Variants in IRF8 observed in about 807,000 individuals in gnomAD.
The protein encoded by IRF8 is interferon consensus sequence binding protein 1.
A neutral mutation model predicts 48.7 loss-of-function variants in IRF8; 14 were observed. The ratio of observed to expected loss-of-function variants is 0.29; its 90% confidence interval spans 0.19 to 0.45. The LOEUF is 0.45. Among genes scored for constraint, IRF8 ranks in the 20% least tolerant of loss-of-function variants. The pLI is 1.00. For missense variants in IRF8, 493 were observed against 580.7 expected (o/e 0.85, Z 1.55); for synonymous variants, 278 against 227.3 (o/e 1.22, Z -2.01).
At chr16:85,903,243 T>C in intron 2 of IRF8, 54 bp downstream of exon 2, 5 of 1,463,422 alleles carry the variant, frequency 3.4e-6, no homozygotes, top group Non-Finnish European at 4.7e-6. Context: ...CTTTCCCTCA[T>C]GGACTAGTGG....
intron 3 of IRF8, 56 bp downstream of exon 3, chr16:85,909,229 T>C: frequency 6.7e-7 from 1 of 1,486,692 alleles, no homozygotes; most frequent in Non-Finnish European, 9.3e-7. Flanking sequence ...CCTGTAGCCT[T>C]CACCACAGAA....
At chr16:85,904,953 G>T (rs577074521) in intron 2 of IRF8, among the ~76,000 whole-genome samples, 1 of 151,684 alleles carries the variant, frequency 6.6e-6, no homozygotes, top group African/African-American at 2.4e-5. Context: ...GAATTTCTCT[G>T]CCTCGCCACT....
In IRF8 at chr16:85,921,730, G is replaced by T; in HGVS notation, c.*448G>T. Reference sequence around the variant, plus strand: ...AGAGTTATAGATTTATGATTTCATAGGCTTGATTCTATGTGAAATATCTTT... The same window carrying T: ...AGAGTTATAGATTTATGATTTCATATGCTTGATTCTATGTGAAATATCTTT... On this transcript the variant is annotated 3_prime_UTR_variant, in exon 9 of 9. Transcript: ENST00000268638. 4.8e-6 allele frequency: 1 copy of T among 206,314 alleles called. No individual in the cohort carries two copies. The highest frequency in any genetic ancestry group is 9.9e-6 in the Non-Finnish European group (1 of 100,950). 12.8% of individuals were successfully genotyped at this position (206,314 alleles called of 1,614,324 possible).
intron 3 of IRF8, 114 bp downstream of exon 3, chr16:85,909,287 A>G (rs533116079): frequency 1.2e-6 from 1 of 820,752 alleles, no homozygotes; most frequent in Admixed American, 2.0e-5. Flanking sequence ...GTTTCAGTTA[A>G]ACAAAGCAGT....
chr16:85,902,166 C>T (rs1567875079), intron 1 of IRF8, among the ~76,000 whole-genome samples: 1 of 152,072 alleles, frequency 6.6e-6, no homozygotes, highest in Non-Finnish European at 1.5e-5. Flanking sequence ...GTGAACTTTG[C>T]CCTGTTCGGT....
chr16:85,901,244 C>G (rs749850243), intron 1 of IRF8: 1 of 152,162 alleles, frequency 6.6e-6, no homozygotes, highest in East Asian at 1.9e-4. Flanking sequence ...TCTCAACTTA[C>G]AGGTGAGGAA....
intron 7 of IRF8, among the ~76,000 whole-genome samples, chr16:85,919,480 G>A (rs1170076272): frequency 6.6e-6 from 1 of 152,198 alleles, no homozygotes; most frequent in Non-Finnish European, 1.5e-5. Context: ...TGGAAGGGCG[G>A]GTGCAGGGGT....
intron 8 of IRF8, 25 bp from the exon 9 acceptor site, chr16:85,921,081 C>G (rs192907726): frequency 8.1e-5 from 130 of 1,601,286 alleles, no homozygotes; most frequent in Non-Finnish European, 1.1e-4. Flanking sequence ...GCCTCTGCCT[C>G]TGACTTTCTG....
chr16:85,918,325 C>T (rs1356344585), intron 6 of IRF8, 92 bp from the exon 7 acceptor site: 4 of 1,417,286 alleles, frequency 2.8e-6, no homozygotes, highest in African/African-American at 1.4e-5. Context: ...CAAAGAGTTA[C>T]CCGTGTAGGT....
At chr16:85,899,876 A>G (rs923269915) in intron 1 of IRF8, among the ~76,000 whole-genome samples, 2 of 152,356 alleles carry the variant, frequency 1.3e-5, no homozygotes, top group African/African-American at 4.8e-5. Context: ...GACTTTCCTA[A>G]GGTGAGATGT....
At chr16:85,917,916 C>G (rs1380786217) in intron 6 of IRF8, among the ~76,000 whole-genome samples, 2 of 152,204 alleles carry the variant, frequency 1.3e-5, no homozygotes, top group African/African-American at 2.4e-5. Flanking sequence ...ATCTGAAATC[C>G]AGGAAATACC....
chr16:85,903,417 G>GTCGCTTGT, intron 2 of IRF8: 4 of 551,886 alleles, frequency 7.2e-6, no homozygotes, highest in South Asian at 6.2e-5. Context: ...TTCTGATGAG[G>GTCGCTTGT]AGATCGAAGG....
chr16:85,899,543 C>G (rs913745254), intron 1 of IRF8, among the ~76,000 whole-genome samples: 1 of 152,130 alleles, frequency 6.6e-6, no homozygotes, highest in African/African-American at 2.4e-5. Flanking sequence ...CAATAGCAAC[C>G]CCCTATCTTG....
Position 85,909,045 on chromosome 16 carries a change from C to A in IRF8, c.230C>A (p.Thr77Asn). Residue 77 changes from threonine to asparagine, a missense_variant, in exon 3 of 9, where the codon ACT becomes AAT. Physicochemically the swap from Thr to Asn is moderately conservative, Grantham distance 65. Around this residue, in one of 3 missense-constraint regions of IRF8, gnomAD observed 31 missense variants for 71.2 expected, o/e 0.44. Transcript: ENST00000268638. ...GAAGGGGACAAAGCTGAACCAGCCA[C>A]TTGGAAGACGAGGTTACGCTGTGCT... is the stretch of plus-strand genomic sequence containing the variant. ...FKEGDKAEPA[T>N]WKTRLRCALN... 6.2e-7 allele frequency: 1 copy of A among 1,614,156 alleles called. No individual in the cohort carries two copies. The highest frequency in any genetic ancestry group is 8.5e-7 in the Non-Finnish European group (1 of 1,180,022).
chr16:85,904,941 C>T (rs1225679887), intron 2 of IRF8, among the ~76,000 whole-genome samples: 3 of 151,434 alleles, frequency 2.0e-5, no homozygotes, highest in African/African-American at 4.9e-5. Flanking sequence ...CCCCAAAAGC[C>T]GGAATTTCTC....
chr16:85,909,654 T>C, intron 3 of IRF8: 1 of 185,276 alleles, frequency 5.4e-6, no homozygotes, highest in Non-Finnish European at 1.1e-5. Flanking sequence ...ATTTGGGAAC[T>C]CCGGGATGTG....
At chr16:85,917,764 G>T (rs1444899614) in intron 6 of IRF8, among the ~76,000 whole-genome samples, 1 of 152,190 alleles carries the variant, frequency 6.6e-6, no homozygotes, top group Non-Finnish European at 1.5e-5. Flanking sequence ...ATTGAAGATG[G>T]AATAATCTTG....
chr16:85,911,942 C>G (rs1324436470), intron 4 of IRF8, among the ~76,000 whole-genome samples: 3 of 152,236 alleles, frequency 2.0e-5, no homozygotes, highest in African/African-American at 7.2e-5. Context: ...CCTTCCAGCT[C>G]CAAACTGTTC....
intron 5 of IRF8, 105 bp from the exon 6 acceptor site, chr16:85,914,368 C>A: frequency 7.5e-7 from 1 of 1,333,008 alleles, no homozygotes. Context: ...CTCTGGCACG[C>A]CATGTGCAGC....
Sources: gnomAD v4.1 joint callset for allele counts (sites outside exome capture counted in the v4.1 genomes callset) on GRCh38, gnomAD v4.1.1 for gene constraint, gnomAD v4.1.1 regional missense constraint, MANE v1.5 for transcripts, NCBI Gene and HGNC (gene_info 2026-07-23, HGNC 2026-07-21) for gene names.